Variants in NDRG4 observed in about 807,000 individuals in gnomAD.
NDRG4 encodes the protein protein NDRG4.
Under a neutral mutation model 55.8 loss-of-function variants are expected in NDRG4, and 38 were observed. That is an observed-to-expected ratio of 0.68 (90% CI 0.53 to 0.89). The LOEUF is 0.89. Among genes scored for constraint, NDRG4 ranks in the 40% least tolerant of loss-of-function variants. The probability of loss-of-function intolerance (pLI) is 0.00; values close to 1 mark genes in which losing one functional copy is unlikely to be tolerated. For missense variants in NDRG4, 455 were observed against 468.6 expected (o/e 0.97, Z 0.27); for synonymous variants, 190 against 182.7 (o/e 1.04, Z -0.32).
intron 1 of NDRG4, chr16:58,502,185 C>G (rs555132909): frequency 1.3e-5 from 5 of 372,928 alleles, no homozygotes; most frequent in Admixed American, 8.7e-5. Context: ...ATTTCCTCCT[C>G]TATGGCTTGG....
intron 2 of NDRG4, chr16:58,494,832 T>TG: frequency 1.8e-6 from 1 of 543,818 alleles, no homozygotes. Context: ...ACCCTGTCTC[T>TG]AAAAAAAAAA....
intron 1 of NDRG4, chr16:58,501,176 A>G (rs2037041063): frequency 2.6e-6 from 2 of 757,076 alleles, no homozygotes; most frequent in Admixed American, 4.3e-5. Context: ...CGCAGACGAT[A>G]GGTCACCCCG....
chr16:58,490,214 G>A (rs905662100), intron 2 of NDRG4, among the ~76,000 whole-genome samples: 1 of 152,214 alleles, frequency 6.6e-6, no homozygotes, highest in Non-Finnish European at 1.5e-5. Flanking sequence ...GTGGCCCTTG[G>A]GGACCCCTGC....
intron 3 of NDRG4, 27 bp downstream of exon 3, chr16:58,504,301 G>A: frequency 6.2e-7 from 1 of 1,614,022 alleles, no homozygotes; most frequent in South Asian, 1.1e-5. Flanking sequence ...CCCTCTGCCT[G>A]TCTCCAGCTC....
intron 1 of NDRG4, chr16:58,465,263 G>T: frequency 1.9e-6 from 1 of 521,258 alleles, no homozygotes; most frequent in Middle Eastern, 4.8e-4. Context: ...CCTGGGGGAG[G>T]GGGCTGATCA....
At chr16:58,488,037 G>A (rs990266876) in intron 2 of NDRG4, among the ~76,000 whole-genome samples, 11 of 152,178 alleles carry the variant, frequency 7.2e-5, no homozygotes, top group Non-Finnish European at 1.5e-4. Context: ...GCCTCACGGT[G>A]GCTTCAGCCG....
chr16:58,509,335 T>C lies in NDRG4; in HGVS notation c.848T>C (p.Leu283Pro). Residue 283 changes from leucine (L) to proline (P), a missense_variant, in exon 13 of 15, where the codon CTG (leucine) becomes CCG (proline). Coordinates refer to ENST00000570248, the MANE Select transcript of NDRG4 (RefSeq NM_001242835.2). ...CTGACTGAAGCCTTCAAATACTTCC[T>C]GCAAGGCATGGGCTACAGTGAGTAC... ...GKLTEAFKYF[L>P]QGMGYIAYLK... 6.2e-7 allele frequency: 1 copy of C among 1,613,944 alleles called. No individual in the cohort carries two copies. Among genetic ancestry groups the C allele is most frequent in the Non-Finnish European group, 8.5e-7 (1 of 1,180,002 alleles).
chr16:58,494,387 C>T (rs1486405792), intron 2 of NDRG4, among the ~76,000 whole-genome samples: 1 of 152,188 alleles, frequency 6.6e-6, no homozygotes, highest in Middle Eastern at 3.2e-3. Flanking sequence ...GTTAGTCACG[C>T]CCACCTCCCC....
chr16:58,470,749 A>C (rs538337313), intron 1 of NDRG4, among the ~76,000 whole-genome samples: 83 of 152,228 alleles, frequency 5.5e-4, no homozygotes, highest in African/African-American at 1.9e-3. Flanking sequence ...TCTGCTAAAA[A>C]TACAAAAATT....
At chr16:58,479,605 C>T (rs1441963255) in intron 1 of NDRG4, among the ~76,000 whole-genome samples, 1 of 152,222 alleles carries the variant, frequency 6.6e-6, no homozygotes, top group African/African-American at 2.4e-5. Context: ...ACCTCACCAA[C>T]CTTGCACATT....
intron 1 of NDRG4, among the ~76,000 whole-genome samples, chr16:58,479,521 C>G (rs1036051810): frequency 2.0e-5 from 3 of 152,340 alleles, no homozygotes; most frequent in African/African-American, 7.2e-5. Context: ...AACAGACTAC[C>G]AAGTTGTTCT....
chr16:58,500,052 C>T (rs967770567), upstream of NDRG4: 170 of 1,426,586 alleles, frequency 1.2e-4, no homozygotes, highest in African/African-American at 1.9e-4. Flanking sequence ...TCCTGGTAAG[C>T]GAGTGGCTGC....
Position 58,504,249 on chromosome 16 carries a change from G to A in NDRG4, c.223G>A (p.Val75Met), listed in dbSNP as rs930344828. 1.9e-6 allele frequency: 3 copies of A among 1,614,056 alleles called. No homozygotes were observed. Among genetic ancestry groups the A allele is most frequent in the African/African-American group, 1.3e-5 (1 of 74,932 alleles). Residue 75 changes from valine (V) to methionine (M), a missense_variant, in exon 3 of 15, where the codon GTG (valine) becomes ATG (methionine). Val to Met is a conservative substitution (Grantham distance 21). Transcript: ENST00000570248. ...TCACGTGGATGCCCCTGGACAACAG[G>A]TGGGGGCGTCGCAGTTTCCTCAGGG... ...VCHVDAPGQQ[V>M]GASQFPQGYQ...
chr16:58,484,607 G>T (rs1180683423), intron 1 of NDRG4, among the ~76,000 whole-genome samples: 1 of 152,194 alleles, frequency 6.6e-6, no homozygotes, highest in Non-Finnish European at 1.5e-5. Flanking sequence ...GCTTCTGTCT[G>T]CCCAGGCCCA....
Position 58,503,830 on chromosome 16 carries a change from G to C in NDRG4, c.54G>C (p.Leu18=), listed in dbSNP as rs1176403372. 6.2e-7 allele frequency: 1 copy of C among 1,613,964 alleles called. No homozygotes were observed. The highest frequency in any genetic ancestry group is 1.7e-5 in the Admixed American group (1 of 60,016). The part of the protein sequence containing the change: ...EHDIETPYGL[L]HVVIRGSPKG... The stretch of plus-strand genomic sequence containing the variant: ...ACATCGAGACACCCTACGGCCTTCT[G>C]CATGTAGTGATCCGGGGCTCCCCCA... The change falls in exon 2 of 15, where the codon CTG becomes CTC. Residue 18 remains leucine, a synonymous_variant. Coordinates refer to ENST00000570248, the MANE Select transcript of NDRG4 (RefSeq NM_001242835.2).
chr16:58,463,766 G>A (rs1040991741), exon 1 of NDRG4: 24 of 150,904 alleles, frequency 1.6e-4, no homozygotes, highest in African/African-American at 5.8e-4. Context: ...CCCGCTCCCC[G>A]CCTGCGCGTC....
At chr16:58,466,469 T>G (rs911408649) in intron 1 of NDRG4, among the ~76,000 whole-genome samples, 1 of 152,214 alleles carries the variant, frequency 6.6e-6, no homozygotes, top group Admixed American at 6.5e-5. Flanking sequence ...GGAGACCCCA[T>G]GCACTGTTCT....
chr16:58,464,974 C>G lies in NDRG4; in HGVS notation c.-24+1177C>G. The G allele has an allele frequency of 8.3e-7, 1 of 1,203,396 alleles. No individual in the cohort carries two copies. Among genetic ancestry groups the G allele is most frequent in the Non-Finnish European group, 1.1e-6 (1 of 946,538 alleles). 74.5% of individuals were successfully genotyped at this position (1,203,396 alleles called of 1,614,324 possible). On this transcript the variant is annotated intron_variant, in intron 1 of 15. Coordinates refer to the NDRG4 transcript ENST00000258187. This position sits in a 1 kb window ranked among gnomAD's most constrained non-coding sequence, Gnocchi z 4.8. ...ACCCTACTGACTGGGGACCCTCAGCCTTGGGGCTCCTCTGGAGAAGTGATC... is the reference window on the plus strand; with the variant it reads ...ACCCTACTGACTGGGGACCCTCAGCGTTGGGGCTCCTCTGGAGAAGTGATC...
Position 58,487,672 on chromosome 16 carries a change from C to A in NDRG4, c.-23-84C>A, listed in dbSNP as rs941601777. 1.9e-5 allele frequency: 22 copies of A among 1,159,870 alleles called. No homozygotes were observed. In the African/African-American group the frequency reaches 2.9e-4, roughly 15 times the overall value. The allele number at this position is 1,159,870 out of a possible 1,614,324, so 71.8% of individuals were successfully genotyped here. On this transcript the variant is annotated intron_variant, in intron 1 of 15. Transcript: ENST00000258187. ...GGACAGTGCATCTGGTTTCCGCGCT[C>A]CCGCCCCAGCCCCGACTTGCGCTGT...
Sources: gnomAD v4.1 joint callset for allele counts (sites outside exome capture counted in the v4.1 genomes callset) on GRCh38, gnomAD v4.1.1 for gene constraint, Gnocchi (gnomAD v3.1) non-coding constraint, MANE v1.5 for transcripts, NCBI Gene and HGNC (gene_info 2026-07-23, HGNC 2026-07-21) for gene names.